TNNT3: variants seen among roughly 807,000 people sequenced by gnomAD.
TNNT3 encodes the protein troponin T, fast skeletal muscle.
A neutral mutation model predicts 54.2 loss-of-function variants in TNNT3; 36 were observed. The observed-to-expected ratio is 0.66, with a 90% confidence interval of 0.51 to 0.88. The LOEUF is 0.88. Among genes scored for constraint, TNNT3 ranks in the 40% least tolerant of loss-of-function variants. The probability of loss-of-function intolerance (pLI) is 0.00; values close to 1 mark genes in which losing one functional copy is unlikely to be tolerated. For synonymous variants in TNNT3, 120 were observed against 109.7 expected (o/e 1.09, Z -0.59); for missense variants, 291 against 331.6 (o/e 0.88, Z 0.95).
At chr11:1,921,543 G>C (rs888583656) in intron 1 of TNNT3, 2 of 152,242 alleles carry the variant, frequency 1.3e-5, no homozygotes, top group Non-Finnish European at 2.9e-5. Flanking sequence ...TTAACCTGAG[G>C]GGCAGCAGAG....
chr11:1,934,067 T>C lies in TNNT3; in HGVS notation c.366+59T>C, dbSNP rs534183196. ...AGAATGAGCCCCAGGCCCAGAGAAA[T>C]GCAGGGGGCTGAGGCCTTCCTTCTC... On this transcript the variant is annotated intron_variant, in intron 11 of 15. Transcript: ENST00000278317. 2,670 of 1,539,594 alleles carry C rather than the reference T, an allele frequency of 1.7e-3. 14 individuals carry two copies. Among genetic ancestry groups the C allele is most frequent in the Middle Eastern group, 0.013 (60 of 4,486 alleles).
At chr11:1,931,485 G>A (rs1045172716) in intron 8 of TNNT3, among the ~76,000 whole-genome samples, 3 of 152,170 alleles carry the variant, frequency 2.0e-5, no homozygotes, top group Admixed American at 2.0e-4. Context: ...GATGAGAAAC[G>A]GCACCTCATG....
At position 1,925,783 on chromosome 11, in the gene TNNT3, C is replaced by T. The variant is rs151126525; in HGVS notation, c.67+667C>T. On this transcript the variant is annotated intron_variant, in intron 5 of 15. Coordinates refer to ENST00000278317, the MANE Select transcript of TNNT3 (RefSeq NM_006757.4). Reference sequence around the variant, plus strand: ...TGCCCTCGTCAGCCCCCCAGGCCCCCTCACAGCCTTCTGCTATGAGACCCT... The same window carrying T: ...TGCCCTCGTCAGCCCCCCAGGCCCCTTCACAGCCTTCTGCTATGAGACCCT... 1.1e-3 allele frequency among the ~76,000 whole-genome samples: 165 copies of T among 152,298 alleles called. 1 individual carries two copies. Among genetic ancestry groups the T allele is most frequent in the African/African-American group, 3.4e-3 (143 of 41,572 alleles).
In TNNT3 at chr11:1,933,806, A is replaced by G. The variant is rs755143093; in HGVS notation, c.257A>G (p.Glu86Gly). 7.4e-6 allele frequency: 12 copies of G among 1,612,758 alleles called. No homozygotes were observed. The highest frequency in any genetic ancestry group is 1.0e-5 in the Non-Finnish European group (12 of 1,179,904). The change falls in exon 10 of 16, where the codon GAG (glutamate) becomes GGG (glycine). Residue 86 changes from glutamate (E) to glycine (G), a missense_variant. Transcript: ENST00000278317. ...DSHFEARKKE[E>G]EELVALKERI... is the part of the protein sequence containing the mutation. ...CACTTTGAAGCCCGGAAGAAGGAGGAGGAGGAGCTGGTCGCTCTCAAAGAG... is the reference window on the plus strand; with the variant it reads ...CACTTTGAAGCCCGGAAGAAGGAGGGGGAGGAGCTGGTCGCTCTCAAAGAG...
In TNNT3 at chr11:1,936,979, G is replaced by A. The variant is rs1130395; in HGVS notation, c.698G>A (p.Ser233Asn). Residue 233 changes from serine (S) to asparagine (N), a missense_variant, in exon 15 of 16, where the codon AGC (serine) becomes AAC (asparagine). Physicochemically the swap from Ser to Asn is conservative, Grantham distance 46. Coordinates refer to ENST00000278317, the MANE Select transcript of TNNT3 (RefSeq NM_006757.4). ...RQKYDITTLR[S>N]RIDQAQKHSK... ...TGTTCACAGATCACCACGCTCAGGA[G>A]CCGCATTGACCAGGCCCAGAAGCAG... The A allele has an allele frequency of 7.7e-5, 124 of 1,606,470 alleles. No individual in the cohort carries two copies. The Admixed American group carries it at 2.1e-3, about 27-fold the overall frequency.
chr11:1,934,891 G>A lies in TNNT3; in HGVS notation c.653G>A (p.Gly218Glu). The A allele has an allele frequency of 6.2e-7, 1 of 1,613,626 alleles. No individual in the cohort carries two copies. The highest frequency in any genetic ancestry group is 8.5e-7 in the Non-Finnish European group (1 of 1,180,030). ...HQLEIDKFEF[G>E]EKLKRQKYDI... is the part of the protein sequence containing the mutation. ...CTGGAGATTGACAAGTTCGAGTTTG[G>A]GGAGAAGCTGAAACGCCAGAAATAT... Residue 218 changes from glycine (G) to glutamate (E), a missense_variant, in exon 14 of 16, where the codon GGG (glycine) becomes GAG (glutamate). Coordinates refer to ENST00000278317, the MANE Select transcript of TNNT3 (RefSeq NM_006757.4).
At chr11:1,923,496 C>T in intron 3 of TNNT3, 59 bp from the exon 4 acceptor site, 3 of 1,591,558 alleles carry the variant, frequency 1.9e-6, no homozygotes, top group Non-Finnish European at 2.6e-6. Flanking sequence ...CATCCTCCTC[C>T]TCCCTTCACG....
chr11:1,932,598 C>T, intron 9 of TNNT3, 84 bp downstream of exon 9: 1 of 1,423,192 alleles, frequency 7.0e-7, no homozygotes, highest in Non-Finnish European at 9.9e-7. Context: ...AGGTCACTTC[C>T]TCCCAAGTAG....
intron 14 of TNNT3, chr11:1,936,113 C>T (rs1340869668): frequency 7.3e-7 from 1 of 1,373,926 alleles, no homozygotes; most frequent in Non-Finnish European, 1.0e-6. Context: ...CCCCCAGGGG[C>T]TCCAGAGCCT....
intron 15 of TNNT3, chr11:1,938,219 C>T (rs1471884565): frequency 3.3e-6 from 2 of 600,570 alleles, no homozygotes; most frequent in African/African-American, 3.7e-5. Flanking sequence ...GCCCCGGGCT[C>T]ACGTGCCAGC....
Position 1,929,756 on chromosome 11 carries a change from CTCCCTCTCCCCACGCTGGTG to C in TNNT3, c.107-43_107-24del, listed in dbSNP as rs1333567839. ...GCCCAGTCTCACCCAGGCTGTCTCT[CTCCCTCTCCCCACGCTGGTG>C]TCCCTCTCCCTACGCTGGTGCTGTG... On this transcript the variant is annotated intron_variant, in intron 7 of 15. Coordinates refer to ENST00000278317, the MANE Select transcript of TNNT3 (RefSeq NM_006757.4). 42 of 1,548,956 alleles carry C rather than the reference CTCCCTCTCCCCACGCTGGTG, an allele frequency of 2.7e-5. No individual in the cohort carries two copies. In the East Asian group the frequency reaches 4.6e-4, roughly 17 times the overall value.
rs760897905 is a variant in TNNT3 at position 1,936,341 on chromosome 11, G to A, written c.682-622G>A. 3.0e-5 allele frequency: 44 copies of A among 1,459,716 alleles called. No individual in the cohort carries two copies. In the African/African-American group the frequency reaches 3.2e-4, roughly 11 times the overall value. 90.4% of individuals were successfully genotyped at this position (1,459,716 alleles called of 1,614,324 possible). On this transcript the variant is annotated intron_variant, in intron 14 of 15. Coordinates refer to ENST00000278317, the MANE Select transcript of TNNT3 (RefSeq NM_006757.4). ...CTCTCGCATGGCAAAAACCTGGATC[G>A]CTCAGGATGCTGGCGGCAGGGGGCC...
chr11:1,937,260 C>T (rs575875580), intron 15 of TNNT3, among the ~76,000 whole-genome samples: 13 of 152,206 alleles, frequency 8.5e-5, no homozygotes, highest in Admixed American at 1.3e-4. Context: ...TTGCCTGTCA[C>T]GCCCTCGCCC....
intron 1 of TNNT3, 24 bp from the exon 2 acceptor site, chr11:1,922,832 TC>T: frequency 1.2e-6 from 2 of 1,606,826 alleles, no homozygotes; most frequent in Non-Finnish European, 1.7e-6. Flanking sequence ...TCTCTCTCTC[TC>T]TCTCTCTGAA....
At position 1,923,540 on chromosome 11, in the gene TNNT3, T is replaced by C. The variant is rs372388005; in HGVS notation, c.32-15T>C. ...CTTCTAACGTGGTTCCCCTCTTTGT[T>C]CTGTCCCAATGCAGAGCAGTACGAA... On this transcript the variant is annotated splice_polypyrimidine_tract_variant and intron_variant, in intron 3 of 15. Coordinates refer to ENST00000278317, the MANE Select transcript of TNNT3 (RefSeq NM_006757.4). The C allele has an allele frequency of 3.7e-6, 6 of 1,613,968 alleles. No individual in the cohort carries two copies. The highest frequency in any genetic ancestry group is 5.1e-6 in the Non-Finnish European group (6 of 1,179,958).
chr11:1,924,373 A>G (rs1043685065), intron 4 of TNNT3, among the ~76,000 whole-genome samples: 5 of 152,118 alleles, frequency 3.3e-5, no homozygotes, highest in African/African-American at 1.2e-4. Context: ...TCTCAGGCCG[A>G]CGGCGCTGCC....
intron 9 of TNNT3, among the ~76,000 whole-genome samples, chr11:1,933,118 T>TCCCA (rs1208057670): frequency 5.7e-5 from 1 of 17,420 alleles, no homozygotes; most frequent in African/African-American, 2.3e-4. Context: ...TCATCCACCC[T>TCCCA]CCCACCCACC....
At chr11:1,936,879 C>T (rs1855245918) in intron 14 of TNNT3, 84 bp from the exon 15 acceptor site, 1 of 1,458,190 alleles carries the variant, frequency 6.9e-7, no homozygotes, top group African/African-American at 1.4e-5. Context: ...GCCCAGCCCA[C>T]CCTGCGGTGG....
At chr11:1,929,084 C>T in intron 6 of TNNT3, 36 bp from the exon 7 acceptor site, 1 of 1,613,036 alleles carries the variant, frequency 6.2e-7, no homozygotes, top group Non-Finnish European at 8.5e-7. Context: ...TGGCTTTTCT[C>T]TTGCATGTGT....
Sources: allele counts gnomAD v4.1 joint callset (sites outside exome capture counted in the v4.1 genomes callset), GRCh38; gene constraint gnomAD v4.1.1; transcripts MANE v1.5; gene names NCBI Gene and HGNC (gene_info 2026-07-23, HGNC 2026-07-21).